Variants in CELF2 observed in about 807,000 individuals in gnomAD.
The protein encoded by CELF2 is CUGBP Elav-like family member 2.
In CELF2, 8 loss-of-function variants were observed where a neutral mutation model predicts 62.6. The ratio of observed to expected loss-of-function variants is 0.13; its 90% CI spans 0.07 to 0.23. CELF2 has a LOEUF of 0.23. CELF2 is among the 10% of genes least tolerant of loss of function. The pLI is 1.00. For synonymous variants in CELF2, 258 were observed against 250.0 expected (o/e 1.03, Z -0.30); for missense variants, 333 against 671.0 (o/e 0.50, Z 5.56).
rs1162771723 is a variant in CELF2 at position 11,315,112 on chromosome 10, G to C, written c.1096+854G>C. ...CGGCCAGAGGATAAGTCGTGTTTTA[G>C]ATTCATGCTCGGTGTGGGTTCCTGT... On this transcript the variant is annotated intron_variant, in intron 10 of 12. Transcript: ENST00000633077. The surrounding 1 kb of genome is among the most constrained non-coding windows in gnomAD (Gnocchi z 5.8). 6.6e-6 allele frequency among the ~76,000 whole-genome samples: 1 copy of C among 152,168 alleles called. No individual in the cohort carries two copies. Among genetic ancestry groups the C allele is most frequent in the Non-Finnish European group, 1.5e-5 (1 of 68,028 alleles).
chr10:10,493,609 G>T, the CELF2 span, among the ~76,000 whole-genome samples: 1 of 150,704 alleles, frequency 6.6e-6, no homozygotes. Flanking sequence ...TAGGCTCACT[G>T]CAGCCTCCGC....
the CELF2 span, among the ~76,000 whole-genome samples, chr10:10,513,207 T>A: frequency 1.3e-5 from 2 of 152,178 alleles, no homozygotes; most frequent in Non-Finnish European, 2.9e-5. Flanking sequence ...TTTTTGTTGT[T>A]TTTTTTATTG....
At chr10:11,028,515 G>C (rs1215670479) in intron 1 of CELF2, among the ~76,000 whole-genome samples, 1 of 151,088 alleles carries the variant, frequency 6.6e-6, no homozygotes, top group Non-Finnish European at 1.5e-5. Context: ...TGCCTCCTGG[G>C]TTCAAGTGAT....
At chr10:10,635,497 T>C in the CELF2 span, among the ~76,000 whole-genome samples, 1 of 152,208 alleles carries the variant, frequency 6.6e-6, no homozygotes, top group Non-Finnish European at 1.5e-5. Flanking sequence ...GTTTTATGAC[T>C]TTAACTCTAG....
At chr10:10,496,119 C>T in the CELF2 span, among the ~76,000 whole-genome samples, 141 of 152,178 alleles carry the variant, frequency 9.3e-4, no homozygotes, top group Non-Finnish European at 1.8e-3. Context: ...GAAACTAAAG[C>T]TTAGAGAGGT....
At chr10:10,909,301 T>C (rs1412811024) in intron 1 of CELF2, among the ~76,000 whole-genome samples, 1 of 152,162 alleles carries the variant, frequency 6.6e-6, no homozygotes, top group East Asian at 1.9e-4. Context: ...GCTGTGTCCT[T>C]AGAAATGGTT....
the CELF2 span, among the ~76,000 whole-genome samples, chr10:10,523,510 G>C: frequency 6.6e-6 from 1 of 152,124 alleles, no homozygotes; most frequent in African/African-American, 2.4e-5. Flanking sequence ...CTGGGGAGGT[G>C]GTGAAACCTT....
At chr10:10,809,885 G>A (rs181503818) in intron 1 of CELF2, among the ~76,000 whole-genome samples, 9 of 152,078 alleles carry the variant, frequency 5.9e-5, no homozygotes, top group South Asian at 2.1e-4. Context: ...TTATTCTCAC[G>A]TTATATTTAA....
At chr10:10,754,059 T>TG in the CELF2 span, among the ~76,000 whole-genome samples, 1,896 of 94,832 alleles carry the variant, frequency 0.02, 152 homozygotes, top group African/African-American at 0.037. Context: ...CATGCTGAGG[T>TG]GGTTTTTTTT....
rs1016766906 is a variant in CELF2, at chr10:11,280,438, A to G, written c.841+5318A>G. Reference sequence around the variant, plus strand: ...CCCCAAAACCGTTTCTCCCCCGCATAGGAGGGGAAGGCAGGCAGGTGCGAT... The same window carrying G: ...CCCCAAAACCGTTTCTCCCCCGCATGGGAGGGGAAGGCAGGCAGGTGCGAT... On this transcript the variant is annotated intron_variant, in intron 8 of 12. Coordinates refer to ENST00000633077, the MANE Select transcript of CELF2 (RefSeq NM_001326342.2). The surrounding 1 kb of genome is among the most constrained non-coding windows in gnomAD (Gnocchi z 7.6). 3.3e-5 allele frequency among the ~76,000 whole-genome samples: 5 copies of G among 152,102 alleles called. No homozygotes were observed. Among genetic ancestry groups the G allele is most frequent in the African/African-American group, 1.2e-4 (5 of 41,432 alleles).
intron 1 of CELF2, among the ~76,000 whole-genome samples, chr10:11,072,273 A>C (rs766470464): frequency 6.6e-6 from 1 of 152,106 alleles, no homozygotes; most frequent in South Asian, 2.1e-4. Context: ...TCCTCTCTCT[A>C]ATGTTAACTT....
upstream of CELF2, among the ~76,000 whole-genome samples, chr10:11,015,600 G>T (rs1454632056): frequency 6.6e-6 from 1 of 152,150 alleles, no homozygotes. This position sits in a 1 kb window ranked among gnomAD's most constrained non-coding sequence, Gnocchi z 4.8. Flanking sequence ...CCCTGGTTTT[G>T]CTTATATCTT....
chr10:10,583,384 C>T, the CELF2 span, among the ~76,000 whole-genome samples: 1 of 152,130 alleles, frequency 6.6e-6, no homozygotes, highest in African/African-American at 2.4e-5. Context: ...TGTCCATGAG[C>T]CCCATGGGGA....
At chr10:10,621,160 C>T in the CELF2 span, among the ~76,000 whole-genome samples, 196 of 146,050 alleles carry the variant, frequency 1.3e-3, 1 homozygote, top group African/African-American at 4.7e-3. Context: ...AGGAGAATGG[C>T]GTGAACCCAG....
chr10:10,808,014 G>T (rs935622232), intron 1 of CELF2, among the ~76,000 whole-genome samples: 2 of 152,292 alleles, frequency 1.3e-5, no homozygotes, highest in African/African-American at 4.8e-5. Flanking sequence ...GGCTTGAGCT[G>T]TTTGCATGAG....
At chr10:11,238,086 G>T (rs113277878) in intron 3 of CELF2, among the ~76,000 whole-genome samples, 1 of 152,214 alleles carries the variant, frequency 6.6e-6, no homozygotes, top group Non-Finnish European at 1.5e-5. Context: ...AAGATCTGGA[G>T]AACATCTGGA....
the CELF2 span, among the ~76,000 whole-genome samples, chr10:10,657,687 T>G: frequency 6.6e-6 from 1 of 152,152 alleles, no homozygotes; most frequent in African/African-American, 2.4e-5. Context: ...TACATACATA[T>G]GTTATTAAGG....
chr10:11,179,268 A>G (rs2072402932), intron 2 of CELF2, among the ~76,000 whole-genome samples: 1 of 142,472 alleles, frequency 7.0e-6, no homozygotes, highest in Non-Finnish European at 1.5e-5. Flanking sequence ...ATAGGCACGT[A>G]ATACTGTACT....
intron 1 of CELF2, among the ~76,000 whole-genome samples, chr10:10,820,672 A>C (rs1287906076): frequency 6.6e-6 from 1 of 152,218 alleles, no homozygotes; most frequent in East Asian, 1.9e-4. Flanking sequence ...AGTTAGGGAA[A>C]TCAAGAAAGG....
Sources: gnomAD v4.1 joint callset for allele counts (sites outside exome capture counted in the v4.1 genomes callset) on GRCh38, gnomAD v4.1.1 for gene constraint, Gnocchi (gnomAD v3.1) non-coding constraint, MANE v1.5 for transcripts, NCBI Gene and HGNC (gene_info 2026-07-23, HGNC 2026-07-21) for gene names.